Variants in ADGRL2 observed in about 807,000 individuals in gnomAD.
The protein encoded by ADGRL2 is calcium-independent alpha-latrotoxin receptor 2.
ADGRL2 carries 44 observed loss-of-function variants against 157.4 expected under a neutral mutation model. The observed-to-expected ratio is 0.28, with a 90% CI of 0.22 to 0.36. The LOEUF is 0.36. Among genes scored for constraint, ADGRL2 ranks in the 10% least tolerant of loss-of-function variants. The pLI is 1.00. For missense variants in ADGRL2, 1,510 were observed against 1,768.9 expected (o/e 0.85, Z 2.63); for synonymous variants, 585 against 624.7 (o/e 0.94, Z 0.95).
chr1:81,528,888 A>G (rs2079536078), intron 2 of ADGRL2, among the ~76,000 whole-genome samples: 1 of 152,192 alleles, frequency 6.6e-6, no homozygotes, highest in Admixed American at 6.5e-5. Flanking sequence ...TGAGGAGAAT[A>G]GGAAAGGATA....
At chr1:81,986,757 G>C in intron 21 of ADGRL2, 144 bp from the exon 22 acceptor site, 1 of 742,728 alleles carries the variant, frequency 1.3e-6, no homozygotes, top group Non-Finnish European at 2.2e-6. Context: ...AATACAGTCA[G>C]AACATTTCAA....
chr1:81,738,893 G>A (rs1476923457), intron 1 of ADGRL2, among the ~76,000 whole-genome samples: 1 of 152,152 alleles, frequency 6.6e-6, no homozygotes, highest in Non-Finnish European at 1.5e-5. Flanking sequence ...AATTAACCTG[G>A]TTATAAGGTT....
chr1:81,345,674 A>ATT (rs1369495509), intron 1 of ADGRL2, among the ~76,000 whole-genome samples: 1 of 152,188 alleles, frequency 6.6e-6, no homozygotes, highest in Non-Finnish European at 1.5e-5. Flanking sequence ...ACTAATCATA[A>ATT]CTGTCCTAGA....
chr1:81,951,143 TG>T, intron 8 of ADGRL2, 22 bp downstream of exon 8: 1 of 1,490,864 alleles, frequency 6.7e-7, no homozygotes, highest in Non-Finnish European at 9.4e-7. Flanking sequence ...CCTTTTAATA[TG>T]ACACATTGGT....
intron 6 of ADGRL2, among the ~76,000 whole-genome samples, chr1:81,948,757 A>C (rs1650765808): frequency 6.6e-6 from 1 of 152,232 alleles, no homozygotes; most frequent in Non-Finnish European, 1.5e-5. Flanking sequence ...TGATGTACAT[A>C]GGCATCTCTC....
intron 1 of ADGRL2, among the ~76,000 whole-genome samples, chr1:81,815,522 C>T (rs1431657070): frequency 6.6e-6 from 1 of 151,780 alleles, no homozygotes; most frequent in Non-Finnish European, 1.5e-5. Context: ...TTCAAGAATA[C>T]ATTCCAAAAG....
At chr1:81,857,518 G>A (rs1302730240) in intron 2 of ADGRL2, among the ~76,000 whole-genome samples, 1 of 152,074 alleles carries the variant, frequency 6.6e-6, no homozygotes, top group Non-Finnish European at 1.5e-5. Flanking sequence ...TATTATAATT[G>A]CGTTGACTAG....
At chr1:81,756,027 A>G (rs551636929) in intron 1 of ADGRL2, among the ~76,000 whole-genome samples, 14 of 152,306 alleles carry the variant, frequency 9.2e-5, no homozygotes, top group African/African-American at 3.1e-4. Context: ...TCTTTAAAAT[A>G]TCCTTTAATC....
chr1:81,485,878 A>G (rs947342050), intron 2 of ADGRL2, among the ~76,000 whole-genome samples: 1 of 151,992 alleles, frequency 6.6e-6, no homozygotes, highest in Admixed American at 6.6e-5. Flanking sequence ...GACCATCAGC[A>G]CAGAAAACTA....
chr1:81,988,438 GTCAC>G (rs1663802990), intron 23 of ADGRL2: 2 of 151,526 alleles, frequency 1.3e-5, no homozygotes, highest in Non-Finnish European at 2.9e-5. Flanking sequence ...TGAGCCATGT[GTCAC>G]TCATACCTTT....
At chr1:81,432,136 C>T (rs2077333124) in intron 1 of ADGRL2, among the ~76,000 whole-genome samples, 1 of 152,194 alleles carries the variant, frequency 6.6e-6, no homozygotes, top group East Asian at 1.9e-4. Flanking sequence ...AGATGCTAAT[C>T]TATCTCATGT....
At chr1:81,531,759 T>A (rs965518408) in intron 2 of ADGRL2, among the ~76,000 whole-genome samples, 1 of 152,162 alleles carries the variant, frequency 6.6e-6, no homozygotes. Flanking sequence ...TAGGATCGTG[T>A]CTAGAATGAA....
At chr1:81,706,508 A>T (rs2083743469) in intron 1 of ADGRL2, among the ~76,000 whole-genome samples, 1 of 152,326 alleles carries the variant, frequency 6.6e-6, no homozygotes, top group Middle Eastern at 3.4e-3. Flanking sequence ...GTGCAGGTGG[A>T]AACCTGTATT....
intron 3 of ADGRL2, among the ~76,000 whole-genome samples, chr1:81,931,468 T>C (rs2095229388): frequency 1.3e-5 from 2 of 152,182 alleles, no homozygotes; most frequent in African/African-American, 4.8e-5. Context: ...TAGGTGATAC[T>C]TCGTGCGTTT....
intron 2 of ADGRL2, among the ~76,000 whole-genome samples, chr1:81,566,929 A>C (rs2080576538): frequency 6.6e-6 from 1 of 152,162 alleles, no homozygotes; most frequent in Non-Finnish European, 1.5e-5. Context: ...AAAATCATAA[A>C]TTTGAAACAA....
chr1:81,980,070 T>C (rs535666841), intron 18 of ADGRL2, 110 bp downstream of exon 18: 9 of 656,584 alleles, frequency 1.4e-5, no homozygotes, highest in Non-Finnish European at 2.4e-5. Flanking sequence ...TTATTCAGAA[T>C]GAAGTTTTAC....
At chr1:81,420,893 A>G (rs1399081700) in intron 1 of ADGRL2, among the ~76,000 whole-genome samples, 1 of 152,198 alleles carries the variant, frequency 6.6e-6, no homozygotes, top group Non-Finnish European at 1.5e-5. Context: ...TCAGCTGAGT[A>G]AAAGCACTGT....
chr1:81,437,820 G>T (rs971507716), intron 1 of ADGRL2, among the ~76,000 whole-genome samples: 1 of 152,166 alleles, frequency 6.6e-6, no homozygotes, highest in Non-Finnish European at 1.5e-5. Flanking sequence ...GACAATAATA[G>T]AACTGAATGA....
intron 1 of ADGRL2, chr1:81,722,750 A>C: frequency 1.2e-6 from 1 of 843,130 alleles, no homozygotes; most frequent in Non-Finnish European, 2.0e-6. Flanking sequence ...AGAGTTAAGA[A>C]GGCTCAAGAA....
Sources: gnomAD v4.1 joint callset for allele counts (sites outside exome capture counted in the v4.1 genomes callset) on GRCh38, gnomAD v4.1.1 for gene constraint, MANE v1.5 for transcripts, NCBI Gene and HGNC (gene_info 2026-07-23, HGNC 2026-07-21) for gene names.